The following SSBP2 variants were observed in gnomAD, a reference collection of about 807,000 sequenced individuals.
SSBP2 encodes the protein single stranded DNA binding protein 2, also known as single-stranded DNA-binding protein 2.
Under a neutral mutation model 61.8 loss-of-function variants are expected in SSBP2, and 17 were observed. The observed-to-expected ratio is 0.28, with a 90% CI of 0.19 to 0.41. SSBP2 has a LOEUF of 0.41. SSBP2 is among the 10% of genes least tolerant of loss of function. SSBP2 has a pLI of 1.00. For missense variants in SSBP2, 310 were observed against 458.7 expected (o/e 0.68, Z 2.96); for synonymous variants, 139 against 141.3 (o/e 0.98, Z 0.12).
intron 8 of SSBP2, among the ~76,000 whole-genome samples, chr5:81,468,951 T>C (rs1390844982): frequency 6.6e-6 from 1 of 152,006 alleles, no homozygotes; most frequent in African/African-American, 2.4e-5. Context: ...GTCTCTGAGA[T>C]AAAGATTAGT....
intron 10 of SSBP2, among the ~76,000 whole-genome samples, chr5:81,460,581 CAGGTACA>C (rs904908877): frequency 1.1e-4 from 16 of 152,234 alleles, no homozygotes; most frequent in African/African-American, 3.6e-4. Flanking sequence ...ATTTAGCTAA[CAGGTACA>C]AGGTAAATAT....
At chr5:81,482,387 T>C (rs1580796300) in intron 6 of SSBP2, among the ~76,000 whole-genome samples, 1 of 152,164 alleles carries the variant, frequency 6.6e-6, no homozygotes, top group Non-Finnish European at 1.5e-5. Context: ...TGACTGACTA[T>C]GGCTATGAAA....
intron 4 of SSBP2, among the ~76,000 whole-genome samples, chr5:81,555,377 T>C (rs1218906249): frequency 1.3e-5 from 2 of 152,110 alleles, no homozygotes; most frequent in Admixed American, 6.5e-5. Flanking sequence ...TTATGGAAAG[T>C]CATTTTCAGG....
intron 4 of SSBP2, among the ~76,000 whole-genome samples, chr5:81,561,198 A>C (rs1335521590): frequency 1.3e-5 from 2 of 152,178 alleles, no homozygotes; most frequent in Non-Finnish European, 2.9e-5. Flanking sequence ...TTGTTTTATT[A>C]TGGGAACATC....
chr5:81,505,737 T>C (rs1052841926), intron 5 of SSBP2, among the ~76,000 whole-genome samples: 9 of 152,218 alleles, frequency 5.9e-5, no homozygotes, highest in Non-Finnish European at 1.0e-4. Context: ...TGATGCTTTA[T>C]TGTTTCATAC....
intron 1 of SSBP2, among the ~76,000 whole-genome samples, chr5:81,736,583 A>G (rs1406520374): frequency 6.6e-6 from 1 of 152,186 alleles, no homozygotes; most frequent in Non-Finnish European, 1.5e-5. Flanking sequence ...TAAAAAGTCT[A>G]AAAGATTATA....
At chr5:81,697,856 C>T in intron 1 of SSBP2, among the ~76,000 whole-genome samples, 1 of 152,016 alleles carries the variant, frequency 6.6e-6, no homozygotes, top group East Asian at 1.9e-4. Context: ...AAATGATGCA[C>T]AAAAGAAGAA....
chr5:81,636,504 G>A, intron 3 of SSBP2, 53 bp downstream of exon 3: 1 of 1,383,610 alleles, frequency 7.2e-7, no homozygotes. Flanking sequence ...GTATAGTACA[G>A]GCCTATTGAA....
chr5:81,628,106 A>C (rs1246840446), intron 3 of SSBP2, among the ~76,000 whole-genome samples: 1 of 152,118 alleles, frequency 6.6e-6, no homozygotes, highest in East Asian at 1.9e-4. Flanking sequence ...GCTGCTAATA[A>C]AGACATACCT....
At chr5:81,553,343 T>C (rs1225859103) in intron 4 of SSBP2, among the ~76,000 whole-genome samples, 1 of 152,134 alleles carries the variant, frequency 6.6e-6, no homozygotes, top group Non-Finnish European at 1.5e-5. Context: ...TATAAGAATC[T>C]TTCAGAAACA....
intron 1 of SSBP2, among the ~76,000 whole-genome samples, chr5:81,745,905 G>A (rs977589356): frequency 2.6e-5 from 4 of 152,044 alleles, no homozygotes; most frequent in African/African-American, 7.2e-5. Context: ...CTGCCCCACA[G>A]AGTATGCTCT....
rs1686668389 is a variant in SSBP2, at chr5:81,588,044, A to G, written c.282+27429T>C. Among the ~76,000 whole-genome samples the G allele has an allele frequency of 1.3e-5, 2 of 152,152 alleles. 1 individual carries two copies. Among genetic ancestry groups the G allele is most frequent in the South Asian group, 4.1e-4 (2 of 4,824 alleles). The stretch of plus-strand genomic sequence containing the variant: ...CAGTGGCACAATCACAGTTCACTGC[A>G]GTCTCAACATCCAGGGGCTCAAATG... On this transcript the variant is annotated intron_variant, in intron 4 of 16. Coordinates refer to ENST00000320672, the MANE Select transcript of SSBP2 (RefSeq NM_012446.5).
At chr5:81,528,775 C>T (rs140307579) in intron 4 of SSBP2, among the ~76,000 whole-genome samples, 3 of 152,006 alleles carry the variant, frequency 2.0e-5, no homozygotes, top group Admixed American at 6.6e-5. Flanking sequence ...GATACAAAGA[C>T]GGTCTTTAGT....
intron 13 of SSBP2, among the ~76,000 whole-genome samples, chr5:81,442,352 A>G (rs1763089207): frequency 6.6e-6 from 1 of 152,146 alleles, no homozygotes; most frequent in South Asian, 2.1e-4. Context: ...ATAAATGATT[A>G]TACATAACCT....
chr5:81,673,330 C>G (rs1751726756), intron 1 of SSBP2, among the ~76,000 whole-genome samples: 1 of 152,040 alleles, frequency 6.6e-6, no homozygotes, highest in Non-Finnish European at 1.5e-5. Flanking sequence ...AAGGAGCTAA[C>G]TAATATATTT....
chr5:81,634,263 C>T (rs1188741621), intron 3 of SSBP2, among the ~76,000 whole-genome samples: 2 of 152,236 alleles, frequency 1.3e-5, no homozygotes, highest in Non-Finnish European at 2.9e-5. Flanking sequence ...CCAGACAGTT[C>T]TTTTCCATTG....
intron 5 of SSBP2, among the ~76,000 whole-genome samples, chr5:81,507,585 G>T (rs1373289228): frequency 1.3e-5 from 2 of 152,102 alleles, no homozygotes; most frequent in South Asian, 2.1e-4. Context: ...CCTATTAAAA[G>T]ATTACGTTGT....
At chr5:81,478,792 C>A (rs1056780989) in intron 6 of SSBP2, among the ~76,000 whole-genome samples, 1 of 152,082 alleles carries the variant, frequency 6.6e-6, no homozygotes, top group Non-Finnish European at 1.5e-5. Flanking sequence ...TTTTTTAAGT[C>A]TCCAAATGGT....
At chr5:81,489,173 T>C (rs1321095866) in intron 6 of SSBP2, 77 bp downstream of exon 6, 5 of 1,269,210 alleles carry the variant, frequency 3.9e-6, no homozygotes, top group East Asian at 2.5e-5. Flanking sequence ...TTCATATTTT[T>C]ACAGGATGAT....
Sources: gnomAD v4.1 joint callset for allele counts (sites outside exome capture counted in the v4.1 genomes callset) on GRCh38, gnomAD v4.1.1 for gene constraint, MANE v1.5 for transcripts, NCBI Gene and HGNC (gene_info 2026-07-23, HGNC 2026-07-21) for gene names.